The following CDS2 variants were observed in gnomAD, a reference collection of about 807,000 sequenced individuals.
CDS2 encodes phosphatidate cytidylyltransferase 2.
Under a neutral mutation model 59.0 loss-of-function variants are expected in CDS2, and 47 were observed. The observed-to-expected ratio is 0.80, with a 90% CI of 0.63 to 1.02. The LOEUF is 1.02. Ranked by LOEUF, CDS2 falls within the 50% of genes least tolerant of loss-of-function variation. The pLI is 0.00. For missense variants in CDS2, 356 were observed against 558.9 expected (o/e 0.64, Z 3.66); for synonymous variants, 207 against 206.4 (o/e 1.00, Z -0.02).
chr20:5,183,505 A>G (rs1432713722), intron 7 of CDS2, among the ~76,000 whole-genome samples: 1 of 152,234 alleles, frequency 6.6e-6, no homozygotes, highest in Non-Finnish European at 1.5e-5. Context: ...TCCTGACAAA[A>G]TATATACTAA....
rs2091055251 is a variant in CDS2, at chr20:5,184,772, C to G, written c.672-86C>G. ...CAGAATTTTATGGGTGATTTTGGTG[C>G]TGGAATTTAAGAATGGCACTATTTT... On this transcript the variant is annotated intron_variant, in intron 7 of 12. Transcript: ENST00000460006. The surrounding 1 kb of genome is among the most constrained non-coding windows in gnomAD (Gnocchi z 4.3). 4.8e-6 allele frequency: 5 copies of G among 1,032,360 alleles called. No individual in the cohort carries two copies. Among genetic ancestry groups the G allele is most frequent in the Non-Finnish European group, 6.1e-6 (4 of 656,774 alleles). The allele number at this position is 1,032,360 out of a possible 1,614,324, so 63.9% of individuals were successfully genotyped here.
At chr20:5,152,992 A>C (rs183848771) in intron 1 of CDS2, among the ~76,000 whole-genome samples, 1 of 152,144 alleles carries the variant, frequency 6.6e-6, no homozygotes. Flanking sequence ...CAGCAATACT[A>C]TATCTCCTGT....
chr20:5,188,329 A>G (rs549396243), intron 10 of CDS2, among the ~76,000 whole-genome samples: 14 of 152,330 alleles, frequency 9.2e-5, no homozygotes, highest in African/African-American at 2.9e-4. Context: ...AGAAATGACT[A>G]CTTGTCAAGC....
At chr20:5,171,174 C>A (rs892145882) in intron 1 of CDS2, among the ~76,000 whole-genome samples, 1 of 152,316 alleles carries the variant, frequency 6.6e-6, no homozygotes, top group East Asian at 1.9e-4. Context: ...GCTGGGCTAA[C>A]GGAAGGTCCA....
chr20:5,188,081 T>TGTGTGTGTGTG, intron 10 of CDS2, among the ~76,000 whole-genome samples: 1 of 151,660 alleles, frequency 6.6e-6, no homozygotes, highest in African/African-American at 2.4e-5. Context: ...TGTGTGTGTG[T>TGTGTGTGTGTG]TGATCACATG....
intron 1 of CDS2, among the ~76,000 whole-genome samples, chr20:5,169,004 G>A (rs1244397863): frequency 6.6e-6 from 1 of 152,220 alleles, no homozygotes; most frequent in Non-Finnish European, 1.5e-5. Flanking sequence ...GACACTCCAT[G>A]TGTCCTTCAT....
chr20:5,171,967 C>T lies in CDS2; in HGVS notation c.58-1556C>T, dbSNP rs17776782. The stretch of plus-strand genomic sequence containing the variant: ...TCAGCAGTCTGCACTAGGCGAGGCC[C>T]TCTGTGTTGCTAATCTGTTTTGTTT... On this transcript the variant is annotated intron_variant, in intron 1 of 12. Transcript: ENST00000460006. Among the ~76,000 whole-genome samples, 86 of 152,264 alleles carry T rather than the reference C, an allele frequency of 5.6e-4. 1 individual carries two copies. The highest frequency in any genetic ancestry group is 2.0e-3 in the African/African-American group (84 of 41,544).
At chr20:5,134,094 C>A (rs2090629513) in intron 1 of CDS2, among the ~76,000 whole-genome samples, 1 of 152,050 alleles carries the variant, frequency 6.6e-6, no homozygotes, top group South Asian at 2.1e-4. Context: ...TTCAGTTTTC[C>A]TGGTTATCGG....
intron 1 of CDS2, among the ~76,000 whole-genome samples, chr20:5,130,634 T>A (rs2090597554): frequency 6.6e-6 from 1 of 151,692 alleles, no homozygotes; most frequent in Non-Finnish European, 1.5e-5. Context: ...AAATACAAAA[T>A]TAGCCGGGCG....
chr20:5,183,418 A>G (rs1443712646), intron 7 of CDS2, among the ~76,000 whole-genome samples: 2 of 152,266 alleles, frequency 1.3e-5, no homozygotes, highest in Admixed American at 6.5e-5. Context: ...TAATAGGTAC[A>G]GGAATATTTA....
intron 7 of CDS2, among the ~76,000 whole-genome samples, chr20:5,183,990 C>T (rs1308671605): frequency 6.6e-6 from 1 of 152,108 alleles, no homozygotes; most frequent in African/African-American, 2.4e-5. Flanking sequence ...ATCCCCGTCT[C>T]TACTAAAAAT....
chr20:5,188,475 C>G (rs956300417), intron 10 of CDS2, among the ~76,000 whole-genome samples: 3 of 152,122 alleles, frequency 2.0e-5, no homozygotes, highest in African/African-American at 7.2e-5. Context: ...AGATTGAATG[C>G]AGAATATTTT....
At chr20:5,161,567 G>C (rs1050530090) in intron 1 of CDS2, among the ~76,000 whole-genome samples, 1 of 152,254 alleles carries the variant, frequency 6.6e-6, no homozygotes, top group African/African-American at 2.4e-5. Flanking sequence ...TGTGTAAGTA[G>C]TATAATCCAG....
intron 1 of CDS2, among the ~76,000 whole-genome samples, chr20:5,148,321 T>C (rs1334593557): frequency 6.6e-6 from 1 of 152,178 alleles, no homozygotes; most frequent in Non-Finnish European, 1.5e-5. Flanking sequence ...ATGGTTAGGC[T>C]CTTATCAGCT....
chr20:5,173,310 C>T (rs1306287849), intron 1 of CDS2, among the ~76,000 whole-genome samples: 6 of 152,238 alleles, frequency 3.9e-5, no homozygotes, highest in African/African-American at 1.4e-4. Context: ...AGATGCACAC[C>T]TCTCTTCCAG....
At chr20:5,183,024 A>T in intron 6 of CDS2, 37 bp from the exon 7 acceptor site, 2 of 1,556,058 alleles carry the variant, frequency 1.3e-6, no homozygotes, top group Non-Finnish European at 1.8e-6. Flanking sequence ...TTTCAAGGTA[A>T]ACTGGTAAGT....
At chr20:5,159,593 T>C (rs2090861388) in intron 1 of CDS2, among the ~76,000 whole-genome samples, 2 of 152,196 alleles carry the variant, frequency 1.3e-5, no homozygotes, top group Admixed American at 1.3e-4. Flanking sequence ...TAACAGACTA[T>C]TAGCAAGATG....
intron 1 of CDS2, among the ~76,000 whole-genome samples, chr20:5,159,228 C>T (rs1463986599): frequency 6.6e-6 from 1 of 151,610 alleles, no homozygotes; most frequent in African/African-American, 2.4e-5. Flanking sequence ...GCACAACGTG[C>T]AGGTTTGTTA....
In CDS2 at chr20:5,191,598, G is replaced by T. The variant is rs181309279; in HGVS notation, c.*1364G>T. The T allele has an allele frequency of 6.6e-6, 1 of 152,278 alleles. No homozygotes were observed. Among genetic ancestry groups the T allele is most frequent in the East Asian group, 1.9e-4 (1 of 5,164 alleles). The allele number at this position is 152,278 out of a possible 1,614,324, so 9.4% of individuals were successfully genotyped here. A position where few individuals can be genotyped will look rare whatever the true frequency, so the allele number is the denominator to read the frequency against. ...TGTAATGATTTGCTTCTGCACCTTG[G>T]TCTAGTGCTGGTTTGTGGTGTTTTT... On this transcript the variant is annotated 3_prime_UTR_variant, in exon 13 of 13. Coordinates refer to ENST00000460006, the MANE Select transcript of CDS2 (RefSeq NM_003818.4).
Sources: gnomAD v4.1 joint callset for allele counts (sites outside exome capture counted in the v4.1 genomes callset) on GRCh38, gnomAD v4.1.1 for gene constraint, Gnocchi (gnomAD v3.1) non-coding constraint, MANE v1.5 for transcripts, NCBI Gene and HGNC (gene_info 2026-07-23, HGNC 2026-07-21) for gene names.